NSUN6: variants seen among roughly 807,000 people sequenced by gnomAD.
NSUN6 encodes the protein NOP2/Sun RNA methyltransferase 6, also known as tRNA (cytosine(72)-C(5))-methyltransferase NSUN6.
A neutral mutation model predicts 58.0 loss-of-function variants in NSUN6; 64 were observed. The ratio of observed to expected loss-of-function variants is 1.10; its 90% CI spans 0.90 to 1.36. The LOEUF (loss-of-function observed/expected upper bound fraction) is 1.36, where lower values mean the gene tolerates loss of function less well. Ranked by LOEUF, NSUN6 falls within the 40% of genes most tolerant of loss-of-function variation. NSUN6 has a pLI of 0.00. For synonymous variants in NSUN6, 231 were observed against 193.9 expected, an observed-to-expected ratio of 1.19 and a Z score of -1.59; for missense variants, 701 against 550.1, an observed-to-expected ratio of 1.27 and a Z score of -2.74.
intron 6 of NSUN6, among the ~76,000 whole-genome samples, chr10:18,603,478 C>CT (rs920059121): frequency 1.4e-4 from 21 of 147,856 alleles, no homozygotes; most frequent in South Asian, 8.4e-4. Context: ...CTTTTCTTTT[C>CT]TTTTTTTTTG....
At chr10:18,634,583 C>G (rs1378370731) in intron 3 of NSUN6, among the ~76,000 whole-genome samples, 1 of 145,960 alleles carries the variant, frequency 6.9e-6, no homozygotes, top group East Asian at 2.0e-4. Flanking sequence ...AACCACATCT[C>G]TACTAAAAAA....
chr10:18,639,404 G>C (rs1236270263), intron 3 of NSUN6, among the ~76,000 whole-genome samples: 1 of 152,170 alleles, frequency 6.6e-6, no homozygotes, highest in Non-Finnish European at 1.5e-5. Flanking sequence ...TGAGTCAGGA[G>C]AACTGCTTGA....
chr10:18,618,241 G>A (rs2058480730), intron 3 of NSUN6, among the ~76,000 whole-genome samples: 1 of 152,214 alleles, frequency 6.6e-6, no homozygotes, highest in Non-Finnish European at 1.5e-5. Flanking sequence ...TCACTCTGAA[G>A]TATGTAGACA....
chr10:18,647,877 A>C (rs952237172), intron 2 of NSUN6, among the ~76,000 whole-genome samples: 1 of 152,056 alleles, frequency 6.6e-6, no homozygotes, highest in African/African-American at 2.4e-5. Context: ...CTGAGATCAC[A>C]GGCATGTGCC....
At chr10:18,613,759 A>G (rs1282351408) in intron 5 of NSUN6, among the ~76,000 whole-genome samples, 1 of 152,194 alleles carries the variant, frequency 6.6e-6, no homozygotes, top group Admixed American at 6.5e-5. Context: ...AACTGTTGCA[A>G]CATGAAAAAC....
chr10:18,586,785 C>T (rs2057166577), intron 7 of NSUN6, among the ~76,000 whole-genome samples: 2 of 151,238 alleles, frequency 1.3e-5, no homozygotes, highest in South Asian at 4.1e-4. Context: ...CTTGCAGCTA[C>T]TGGCTCTGGT....
chr10:18,633,676 C>T (rs1332496651), intron 3 of NSUN6, among the ~76,000 whole-genome samples: 2 of 152,078 alleles, frequency 1.3e-5, no homozygotes, highest in East Asian at 1.9e-4. Context: ...TGTCAGTGTC[C>T]TGTTCAGAGG....
chr10:18,595,498 C>G (rs1284643525), intron 7 of NSUN6, among the ~76,000 whole-genome samples: 1 of 152,168 alleles, frequency 6.6e-6, no homozygotes, highest in African/African-American at 2.4e-5. Context: ...CACAACGCCA[C>G]AAAATCAACC....
Position 18,586,108 on chromosome 10 carries a change from A to C in NSUN6, c.778-15T>G. ...ATAACTTCTCCCTAAAAAGAAACAA[A>C]ACACACACATGCAGAAAAAAAAAAA... On this transcript the variant is annotated splice_polypyrimidine_tract_variant and intron_variant, in intron 7 of 10. Transcript: ENST00000377304. 6.5e-7 allele frequency: 1 copy of C among 1,545,420 alleles called. No homozygotes were observed. Among genetic ancestry groups the C allele is most frequent in the Non-Finnish European group, 8.7e-7 (1 of 1,149,004 alleles).
intron 6 of NSUN6, among the ~76,000 whole-genome samples, chr10:18,605,455 G>T (rs1053360103): frequency 6.6e-6 from 1 of 152,168 alleles, no homozygotes; most frequent in Non-Finnish European, 1.5e-5. Context: ...TCATTGTTCT[G>T]TAACAGTAAC....
intron 8 of NSUN6, among the ~76,000 whole-genome samples, chr10:18,556,900 A>AAATGG (rs1205026671): frequency 1.3e-5 from 2 of 148,166 alleles, no homozygotes; most frequent in Non-Finnish European, 3.0e-5. Flanking sequence ...ATGGAATGGA[A>AAATGG]AATGGAATGG....
Position 18,614,698 on chromosome 10 carries a change from C to A in NSUN6, c.422-85G>T, listed in dbSNP as rs560777278. The A allele has an allele frequency of 1.8e-5, 10 of 568,616 alleles. No individual in the cohort carries two copies. In the East Asian group the frequency reaches 3.0e-4, roughly 17 times the overall value. 35.2% of individuals were successfully genotyped at this position (568,616 alleles called of 1,614,324 possible). ...ATTATTTGAGCTAGATCGGTGATCT[C>A]TAGAGGCATCAATAGTGGGCATGAA... is the stretch of plus-strand genomic sequence containing the variant. On this transcript the variant is annotated intron_variant, in intron 4 of 10. Coordinates refer to ENST00000377304, the MANE Select transcript of NSUN6 (RefSeq NM_182543.5).
At chr10:18,588,939 G>A (rs1293140753) in intron 7 of NSUN6, among the ~76,000 whole-genome samples, 2 of 152,180 alleles carry the variant, frequency 1.3e-5, no homozygotes. Flanking sequence ...GACAGAAGTA[G>A]GCTTCTGAAG....
intron 3 of NSUN6, 32 bp from the exon 4 acceptor site, chr10:18,616,325 T>A (rs1304205274): frequency 7.6e-7 from 1 of 1,313,806 alleles, no homozygotes; most frequent in Admixed American, 1.7e-5. Context: ...AGTTTAATAG[T>A]AACATACCTC....
intron 3 of NSUN6, among the ~76,000 whole-genome samples, chr10:18,637,085 C>T (rs1194129699): frequency 1.3e-5 from 2 of 151,424 alleles, no homozygotes; most frequent in African/African-American, 4.9e-5. Flanking sequence ...TCCTCAGCCT[C>T]CCAAGTAGCT....
At chr10:18,583,407 C>T (rs1031483505) in intron 8 of NSUN6, among the ~76,000 whole-genome samples, 1 of 152,102 alleles carries the variant, frequency 6.6e-6, no homozygotes, top group African/African-American at 2.4e-5. Flanking sequence ...TCTCTTCACA[C>T]AGACGCGGTT....
chr10:18,620,090 AAT>A (rs768329049), intron 3 of NSUN6, among the ~76,000 whole-genome samples: 81 of 77,126 alleles, frequency 1.1e-3, no homozygotes, highest in African/African-American at 8.6e-4. Flanking sequence ...TAATAAAAAA[AAT>A]TTTTTTTTTT....
chr10:18,594,199 GA>G (rs749132499), intron 7 of NSUN6, among the ~76,000 whole-genome samples: 186 of 123,026 alleles, frequency 1.5e-3, no homozygotes, highest in African/African-American at 3.7e-3. Context: ...AAGACTCTGA[GA>G]AAAAAAAAAA....
intron 3 of NSUN6, among the ~76,000 whole-genome samples, chr10:18,634,589 A>C (rs867503818): frequency 1.4e-5 from 2 of 142,170 alleles, no homozygotes; most frequent in Middle Eastern, 3.3e-3. Flanking sequence ...ATCTCTACTA[A>C]AAAAAATACA....
Sources: gnomAD v4.1 joint callset for allele counts (sites outside exome capture counted in the v4.1 genomes callset) on GRCh38, gnomAD v4.1.1 for gene constraint, MANE v1.5 for transcripts, NCBI Gene and HGNC (gene_info 2026-07-23, HGNC 2026-07-21) for gene names.